SEMA6D: variants seen among roughly 807,000 people sequenced by gnomAD.
The protein encoded by SEMA6D is semaphorin-6D.
In SEMA6D, 35 loss-of-function variants were observed where a neutral mutation model predicts 106.6. That is an observed-to-expected ratio of 0.33 (90% CI 0.25 to 0.44). The LOEUF is 0.44. SEMA6D is among the 20% of genes least tolerant of loss of function. The pLI is 1.00. For missense variants in SEMA6D, 1,185 were observed against 1,345.9 expected (o/e 0.88, Z 1.87); for synonymous variants, 499 against 487.7 (o/e 1.02, Z -0.31).
At chr15:47,730,588 G>A (rs972376877) in intron 1 of SEMA6D, 194 of 1,525,826 alleles carry the variant, frequency 1.3e-4, no homozygotes, top group Non-Finnish European at 1.6e-4. Context: ...CTTTCTTCTC[G>A]GCCCAGGCCA....
chr15:47,668,305 G>T (rs922117061), intron 4 of SEMA6D, among the ~76,000 whole-genome samples: 1 of 152,144 alleles, frequency 6.6e-6, no homozygotes, highest in African/African-American at 2.4e-5. Context: ...ACTATAAACA[G>T]CCAGTAGATC....
chr15:47,314,849 CTTTTTTTTTTTT>C (rs1173992222), intron 1 of SEMA6D, among the ~76,000 whole-genome samples: 6 of 83,920 alleles, frequency 7.1e-5, no homozygotes, highest in African/African-American at 2.7e-4. Context: ...TCTAGGTTTT[CTTTTTTTTTTTT>C]TTTTTTTTTT....
At chr15:47,524,585 A>G (rs1467376073) in intron 3 of SEMA6D, among the ~76,000 whole-genome samples, 1 of 152,238 alleles carries the variant, frequency 6.6e-6, no homozygotes, top group Non-Finnish European at 1.5e-5. Flanking sequence ...ATGCCTAATT[A>G]TAAATGACTT....
upstream of SEMA6D, among the ~76,000 whole-genome samples, chr15:47,713,773 T>C (rs765198463): frequency 3.9e-5 from 6 of 152,180 alleles, no homozygotes; most frequent in Non-Finnish European, 5.9e-5. Context: ...TCAGAATTAA[T>C]AGACATATAC....
chr15:47,668,055 C>T lies in SEMA6D; in HGVS notation c.-55+67159C>T, dbSNP rs1468516503. On this transcript the variant is annotated intron_variant, in intron 4 of 19. Coordinates refer to the SEMA6D transcript ENST00000558014. ...TCTTTAACGTTTTCTGAAACAAATA[C>T]AATTAGTTAAAATTTTCTTGAAAAT... Among the ~76,000 whole-genome samples the T allele has an allele frequency of 2.0e-5, 3 of 152,060 alleles. No homozygotes were observed. The East Asian group carries it at 5.8e-4, about 29-fold the overall frequency.
rs562345791 is a variant in SEMA6D at position 47,392,725 on chromosome 15, C to G, written c.-238-19668C>G. Among the ~76,000 whole-genome samples, 12 of 152,280 alleles carry G rather than the reference C, an allele frequency of 7.9e-5. No individual in the cohort carries two copies. The East Asian group carries it at 2.3e-3, about 29-fold the overall frequency. ...AAATCTTGTTGGTTTTGGCCACTAACTTTGTGATAATTTTTTATGGCAACA... is the reference window on the plus strand; with the variant it reads ...AAATCTTGTTGGTTTTGGCCACTAAGTTTGTGATAATTTTTTATGGCAACA... On this transcript the variant is annotated intron_variant, in intron 1 of 19. Transcript: ENST00000558014.
rs371611976 is a variant in SEMA6D, at chr15:47,319,794, C to A, written c.-238-92599C>A. ...TATTTTTTAATATTTACTATAGAAA[C>A]CTGGTTGAGCTCATGCAGGTAAATC... On this transcript the variant is annotated intron_variant, in intron 1 of 19. Coordinates refer to the SEMA6D transcript ENST00000558014. Among the ~76,000 whole-genome samples, 51 of 152,158 alleles carry A rather than the reference C, an allele frequency of 3.4e-4. No homozygotes were observed. In the East Asian group the frequency reaches 7.8e-3, roughly 23 times the overall value.
At chr15:47,289,325 C>T (rs1236252678) in intron 1 of SEMA6D, among the ~76,000 whole-genome samples, 1 of 130,006 alleles carries the variant, frequency 7.7e-6, no homozygotes, top group Admixed American at 9.5e-5. Context: ...ACCTAGGAGG[C>T]GGAGGTTTCA....
intron 3 of SEMA6D, among the ~76,000 whole-genome samples, chr15:47,563,066 G>C (rs60760674): frequency 6.6e-6 from 1 of 152,166 alleles, no homozygotes; most frequent in Non-Finnish European, 1.5e-5. Flanking sequence ...CTAAGTGAAA[G>C]ATGCTAGGTG....
At chr15:47,231,501 G>T (rs1020467256) in intron 1 of SEMA6D, among the ~76,000 whole-genome samples, 1 of 151,666 alleles carries the variant, frequency 6.6e-6, no homozygotes, top group East Asian at 1.9e-4. Context: ...ACTTTTCATC[G>T]CCATTACTCC....
intron 1 of SEMA6D, among the ~76,000 whole-genome samples, chr15:47,324,771 C>G (rs778978009): frequency 6.6e-6 from 1 of 151,112 alleles, no homozygotes; most frequent in Non-Finnish European, 1.5e-5. Flanking sequence ...TAGTAATGTA[C>G]GCTATTATAC....
At chr15:47,251,839 A>G (rs2033526276) in intron 1 of SEMA6D, among the ~76,000 whole-genome samples, 1 of 151,360 alleles carries the variant, frequency 6.6e-6, no homozygotes. Flanking sequence ...TGTGTTTATT[A>G]ATATTTGCCA....
chr15:47,376,668 T>C (rs1055500759), intron 1 of SEMA6D, among the ~76,000 whole-genome samples: 1 of 152,182 alleles, frequency 6.6e-6, no homozygotes, highest in Non-Finnish European at 1.5e-5. Context: ...ACCCAGACAA[T>C]GGGAAGCTGG....
chr15:47,186,208 G>T (rs1272871065), intron 1 of SEMA6D, among the ~76,000 whole-genome samples: 2 of 152,126 alleles, frequency 1.3e-5, no homozygotes, highest in African/African-American at 4.8e-5. Flanking sequence ...CCTGCTAAGT[G>T]TATCAATCTG....
chr15:47,560,747 A>G (rs1457714192), intron 3 of SEMA6D, among the ~76,000 whole-genome samples: 1 of 152,108 alleles, frequency 6.6e-6, no homozygotes, highest in African/African-American at 2.4e-5. Context: ...GATCAAGATG[A>G]AGTCATTATC....
chr15:47,650,691 G>A (rs1052493572), intron 4 of SEMA6D, among the ~76,000 whole-genome samples: 2 of 152,080 alleles, frequency 1.3e-5, no homozygotes, highest in African/African-American at 2.4e-5. Context: ...TAGAGAATAG[G>A]AAAATGCAGA....
At chr15:47,420,886 T>C (rs1474969532) in intron 2 of SEMA6D, among the ~76,000 whole-genome samples, 2 of 152,088 alleles carry the variant, frequency 1.3e-5, no homozygotes, top group Non-Finnish European at 2.9e-5. Flanking sequence ...AACAAAAAAA[T>C]GTACATATGA....
intron 1 of SEMA6D, among the ~76,000 whole-genome samples, chr15:47,751,305 C>T (rs2081420774): frequency 6.6e-6 from 1 of 152,104 alleles, no homozygotes. Flanking sequence ...CAATTACAAC[C>T]CTCCTTGTCT....
rs150940545 is a variant in SEMA6D, at chr15:47,438,457, G to A, written c.-159+25985G>A. ...TTGCACACAGTAAAAGCCAACATCC[G>A]TGTAACAGCCCACTTTATCCTATGA... On this transcript the variant is annotated intron_variant, in intron 2 of 19. Coordinates refer to the SEMA6D transcript ENST00000558014. 1.7e-4 allele frequency among the ~76,000 whole-genome samples: 26 copies of A among 152,082 alleles called. No homozygotes were observed. The East Asian group carries it at 4.1e-3, about 24-fold the overall frequency.
Sources: allele counts gnomAD v4.1 joint callset (sites outside exome capture counted in the v4.1 genomes callset), GRCh38; gene constraint gnomAD v4.1.1; transcripts MANE v1.5; gene names NCBI Gene and HGNC (gene_info 2026-07-23, HGNC 2026-07-21).